DAPK1: variants seen among roughly 807,000 people sequenced by gnomAD.
DAPK1 encodes the protein death associated protein kinase 1.
DAPK1 carries 56 observed loss-of-function variants against 144.9 expected under a neutral mutation model. The ratio of observed to expected loss-of-function variants is 0.39; its 90% confidence interval spans 0.31 to 0.48. The LOEUF (loss-of-function observed/expected upper bound fraction) is 0.48, where lower values mean the gene tolerates loss of function less well. DAPK1 is among the 20% of genes least tolerant of loss of function. DAPK1 has a pLI of 0.95. For missense variants in DAPK1, 1,454 were observed against 1,875.4 expected (o/e 0.78, Z 4.15); for synonymous variants, 690 against 749.0 (o/e 0.92, Z 1.29).
intron 2 of DAPK1, among the ~76,000 whole-genome samples, chr9:87,502,907 G>A (rs1269359434): frequency 6.6e-6 from 1 of 152,088 alleles, no homozygotes; most frequent in East Asian, 1.9e-4. Context: ...CCTGCAAATT[G>A]GTATCTATGA....
chr9:87,560,667 C>CTT (rs35938750), intron 2 of DAPK1, among the ~76,000 whole-genome samples: 2 of 133,316 alleles, frequency 1.5e-5, no homozygotes, highest in Admixed American at 7.5e-5. Context: ...TCAGAACGTA[C>CTT]TTTTTTTTTT....
Position 87,681,485 on chromosome 9 carries a change from C to T in DAPK1, c.2083C>T (p.His695Tyr), listed in dbSNP as rs1296783552. 7.4e-6 allele frequency: 12 copies of T among 1,613,158 alleles called. No individual in the cohort carries two copies. Among genetic ancestry groups the T allele is most frequent in the Non-Finnish European group, 9.3e-6 (11 of 1,179,264 alleles). ...AAGAATTAAGCTCAAGCTGTTTGGC[C>T]ACTCGGGATCCGGGAAAACCACCCT... ...QPRIKLKLFG[H>Y]SGSGKTTLVE... Residue 695 changes from histidine to tyrosine, a missense_variant, in exon 20 of 26, where the codon CAC becomes TAC. Around this residue, in one of 2 missense-constraint regions of DAPK1, gnomAD observed 1,025 missense variants for 1,237.9 expected, o/e 0.83. Transcript: ENST00000408954.
At chr9:87,615,892 T>C (rs1829078427) in intron 3 of DAPK1, among the ~76,000 whole-genome samples, 1 of 152,200 alleles carries the variant, frequency 6.6e-6, no homozygotes, top group Non-Finnish European at 1.5e-5. Context: ...AATTCTTTTG[T>C]TTGAGTTTTC....
intron 2 of DAPK1, among the ~76,000 whole-genome samples, chr9:87,531,784 C>T (rs915785549): frequency 6.6e-6 from 1 of 152,112 alleles, no homozygotes; most frequent in African/African-American, 2.4e-5. Context: ...AAGGAATGTC[C>T]ACAGAATATT....
intron 3 of DAPK1, among the ~76,000 whole-genome samples, chr9:87,628,704 G>A (rs770741284): frequency 1.2e-4 from 19 of 152,146 alleles, no homozygotes; most frequent in South Asian, 4.1e-4. Context: ...ACTCCTTCAC[G>A]CTGTATACAC....
chr9:87,587,579 G>C (rs1422130162), intron 2 of DAPK1, among the ~76,000 whole-genome samples: 1 of 152,186 alleles, frequency 6.6e-6, no homozygotes. Flanking sequence ...CCACTTCTAA[G>C]GCCAGAAAGA....
intron 3 of DAPK1, among the ~76,000 whole-genome samples, chr9:87,612,354 G>A (rs1053069249): frequency 1.3e-5 from 2 of 152,188 alleles, no homozygotes; most frequent in Non-Finnish European, 2.9e-5. Flanking sequence ...GATAGGACTG[G>A]TGTCCTTATA....
At chr9:87,651,413 T>C (rs554872081) in intron 16 of DAPK1, 114 bp from the exon 17 acceptor site, 42 of 999,908 alleles carry the variant, frequency 4.2e-5, no homozygotes, top group Non-Finnish European at 6.1e-5. Context: ...CTAGGGCTTT[T>C]AGTAGTGATC....
chr9:87,575,310 T>C (rs1220341496), intron 2 of DAPK1, among the ~76,000 whole-genome samples: 2 of 151,994 alleles, frequency 1.3e-5, no homozygotes, highest in African/African-American at 4.8e-5. Context: ...ATAGCCGTTA[T>C]CTCGTGCTGG....
At chr9:87,639,319 CAT>C (rs779597577) in intron 4 of DAPK1, 33 bp from the exon 5 acceptor site, 109 of 1,537,766 alleles carry the variant, frequency 7.1e-5, no homozygotes, top group Non-Finnish European at 8.3e-5. Context: ...CATAACATAT[CAT>C]AGCTTTTTAT....
At chr9:87,663,040 C>T (rs1830920309) in intron 18 of DAPK1, among the ~76,000 whole-genome samples, 1 of 152,034 alleles carries the variant, frequency 6.6e-6, no homozygotes, top group Non-Finnish European at 1.5e-5. Flanking sequence ...ATCCTCCTCT[C>T]CTTCAGAACC....
chr9:87,683,566 G>A (rs1011902250), intron 20 of DAPK1, among the ~76,000 whole-genome samples: 3 of 152,166 alleles, frequency 2.0e-5, no homozygotes, highest in Admixed American at 6.5e-5. Context: ...AGGCCTAAGT[G>A]GGTGTGCAGA....
At chr9:87,555,145 C>T (rs1292759989) in intron 2 of DAPK1, among the ~76,000 whole-genome samples, 3 of 152,222 alleles carry the variant, frequency 2.0e-5, no homozygotes, top group Non-Finnish European at 4.4e-5. Context: ...TGGGGGTTTA[C>T]ATAACATCCC....
chr9:87,508,927 G>T (rs1261209838), intron 2 of DAPK1, among the ~76,000 whole-genome samples: 1 of 152,204 alleles, frequency 6.6e-6, no homozygotes, highest in African/African-American at 2.4e-5. Flanking sequence ...GAAGAGGTCA[G>T]AATTTAGTGT....
intron 2 of DAPK1, among the ~76,000 whole-genome samples, chr9:87,581,794 G>A (rs1212092905): frequency 6.6e-6 from 1 of 152,166 alleles, no homozygotes. Flanking sequence ...GTCTGCCACC[G>A]GGGAACAAAC....
rs569701187 is a variant in DAPK1 at position 87,671,074 on chromosome 9, G to A, written c.2001+2400G>A. 1.4e-4 allele frequency among the ~76,000 whole-genome samples: 21 copies of A among 152,322 alleles called. 1 individual carries two copies. The South Asian group carries it at 3.7e-3, about 27-fold the overall frequency. On this transcript the variant is annotated intron_variant, in intron 19 of 25. Coordinates refer to ENST00000408954, the MANE Select transcript of DAPK1 (RefSeq NM_004938.4). ...TGCACTAGCCGGGGATGGTCGGATC[G>A]GTGGTGGGTGGAAGGTCCTTCTCCC...
chr9:87,535,409 A>T (rs1354019652), intron 2 of DAPK1, among the ~76,000 whole-genome samples: 2 of 152,206 alleles, frequency 1.3e-5, no homozygotes, highest in African/African-American at 4.8e-5. Flanking sequence ...ATTGAATTAC[A>T]TAAAAATTAT....
At chr9:87,554,876 GT>G (rs1399589865) in intron 2 of DAPK1, among the ~76,000 whole-genome samples, 12 of 152,200 alleles carry the variant, frequency 7.9e-5, no homozygotes, top group African/African-American at 2.9e-4. Context: ...TCTCCTGGAG[GT>G]CATTAAAGGG....
At chr9:87,640,888 G>T (rs776247403) in intron 9 of DAPK1, 41 bp downstream of exon 9, 4 of 1,604,004 alleles carry the variant, frequency 2.5e-6, no homozygotes, top group Non-Finnish European at 3.4e-6. Context: ...CACTTTCTAT[G>T]TGATTGGTTT....
Sources: gnomAD v4.1 joint callset for allele counts (sites outside exome capture counted in the v4.1 genomes callset) on GRCh38, gnomAD v4.1.1 for gene constraint, gnomAD v4.1.1 regional missense constraint, MANE v1.5 for transcripts, NCBI Gene and HGNC (gene_info 2026-07-23, HGNC 2026-07-21) for gene names.